Variants in BIRC6 observed in about 807,000 individuals in gnomAD.
BIRC6 encodes dual E2 ubiquitin-conjugating enzyme/E3 ubiquitin-protein ligase BIRC6.
A neutral mutation model predicts 503.3 loss-of-function variants in BIRC6; 98 were observed. The observed-to-expected ratio is 0.19, with a 90% CI of 0.17 to 0.23. The LOEUF is 0.23. BIRC6 is among the 10% of genes least tolerant of loss of function. The probability of loss-of-function intolerance (pLI) is 1.00; values close to 1 mark genes in which losing one functional copy is unlikely to be tolerated. For missense variants in BIRC6, 5,360 were observed against 5,806.0 expected (o/e 0.92, Z 2.50); for synonymous variants, 2,240 against 2,078.7 (o/e 1.08, Z -2.11).
At position 32,357,589 on chromosome 2, in the gene BIRC6, G is replaced by A; in HGVS notation, c.325+103G>A. 1 of 1,478,352 alleles carries A rather than the reference G, an allele frequency of 6.8e-7. No homozygotes were observed. Among genetic ancestry groups the A allele is most frequent in the Non-Finnish European group, 8.9e-7 (1 of 1,121,900 alleles). The allele number at this position is 1,478,352 out of a possible 1,614,324, so 91.6% of individuals were successfully genotyped here. A position where few individuals can be genotyped will look rare whatever the true frequency, so the allele number is the denominator to read the frequency against. ...GGGGAAGCGAGATGGCGAGAGGGCA[G>A]GGCTGGGGGTTCGGGCCCAGCCGTG... On this transcript the variant is annotated intron_variant, in intron 1 of 73. Transcript: ENST00000421745. This position sits in a 1 kb window ranked among gnomAD's most constrained non-coding sequence, Gnocchi z 4.9.
At position 32,415,518 on chromosome 2, in the gene BIRC6, A is replaced by C; in HGVS notation, c.2227A>C (p.Ile743Leu). 6.2e-7 allele frequency: 1 copy of C among 1,614,032 alleles called. No homozygotes were observed. The highest frequency in any genetic ancestry group is 1.3e-5 in the African/African-American group (1 of 75,058). The stretch of plus-strand genomic sequence containing the variant: ...CTCAATAACTCCTTGTGCTGACGGA[A>C]TTCATTTGTTGGTAGGACTGCGGAC... ...IDSITPCADG[I>L]HLLVGLRTCP... The change falls in exon 10 of 74, where the codon ATT becomes CTT. Residue 743 changes from isoleucine (I) to leucine (L), a missense_variant. Ile to Leu is a conservative substitution (Grantham distance 5). Around this residue, in one of 16 missense-constraint regions of BIRC6, gnomAD observed 700 missense variants for 739.3 expected, o/e 0.95. Coordinates refer to ENST00000421745, the MANE Select transcript of BIRC6 (RefSeq NM_016252.4).
chr2:32,501,482 G>A (rs990329322), intron 46 of BIRC6, among the ~76,000 whole-genome samples: 1 of 152,116 alleles, frequency 6.6e-6, no homozygotes, highest in African/African-American at 2.4e-5. Flanking sequence ...TGTGTAGAGG[G>A]TTTAGACAGC....
intron 1 of BIRC6, 46 bp from the exon 2 acceptor site, chr2:32,377,542 C>G: frequency 6.9e-7 from 1 of 1,440,598 alleles, no homozygotes; most frequent in Non-Finnish European, 9.5e-7. Context: ...TTTAATAGAC[C>G]ATTGGCCTGA....
rs10528992 is a variant in BIRC6 at position 32,508,276 on chromosome 2, C to CTTTTTTTTTT, written c.9980+35_9980+44dup. 2.4e-4 allele frequency: 209 copies of CTTTTTTTTTT among 864,754 alleles called. 14 individuals are homozygous for CTTTTTTTTTT. In the African/African-American group the frequency reaches 4.4e-3, roughly 18 times the overall value. 53.6% of individuals were successfully genotyped at this position (864,754 alleles called of 1,614,324 possible). A position where few individuals can be genotyped will look rare whatever the true frequency, so the allele number is the denominator to read the frequency against. On this transcript the variant is annotated intron_variant, in intron 51 of 73. Coordinates refer to ENST00000421745, the MANE Select transcript of BIRC6 (RefSeq NM_016252.4). ...CAAAACAAGGTATGTTTTGTTTGTC[C>CTTTTTTTTTT]TTTTTTTTTTTTTTTTTTTTTTTTT...
In BIRC6 at chr2:32,543,535, G is replaced by A; in HGVS notation, c.12586G>A (p.Glu4196Lys). ...RLVLGVTDDG[E>K]GSHILQSPSA... ...GGTATTGGGAGTGACAGATGATGGA[G>A]AAGGAAGTAAGTGTTTAGTATTAAA... The change falls in exon 62 of 74, where the codon GAA becomes AAA. Residue 4196 changes from glutamate to lysine, a missense_variant. Physicochemically the swap from Glu to Lys is moderately conservative, Grantham distance 56. Transcript: ENST00000421745. 6.2e-7 allele frequency: 1 copy of A among 1,613,002 alleles called. No homozygotes were observed. Among genetic ancestry groups the A allele is most frequent in the Non-Finnish European group, 8.5e-7 (1 of 1,179,716 alleles).
At chr2:32,595,436 G>C (rs1017373152) in intron 68 of BIRC6, among the ~76,000 whole-genome samples, 1 of 152,142 alleles carries the variant, frequency 6.6e-6, no homozygotes, top group Non-Finnish European at 1.5e-5. Context: ...CTTCATTTCT[G>C]TACATCCTGG....
intron 65 of BIRC6, among the ~76,000 whole-genome samples, chr2:32,570,794 C>T (rs1026021937): frequency 6.6e-5 from 10 of 151,868 alleles, no homozygotes; most frequent in African/African-American, 1.9e-4. Flanking sequence ...CCATCACGCT[C>T]GGCCTATTTG....
rs541136373 is a variant in BIRC6, at chr2:32,377,326, TTATTTCTCAGAA to T, written c.326-261_326-250del. On this transcript the variant is annotated intron_variant, in intron 1 of 73. Coordinates refer to ENST00000421745, the MANE Select transcript of BIRC6 (RefSeq NM_016252.4). The stretch of plus-strand genomic sequence containing the variant: ...CATTTTCCCTATACTGTTGCTGTGT[TTATTTCTCAGAA>T]CAATGATGTTCTTTTATAATAGCAA... Among the ~76,000 whole-genome samples the T allele has an allele frequency of 5.1e-4, 77 of 152,136 alleles. No homozygotes were observed. The South Asian group carries it at 0.016, about 31-fold the overall frequency.
intron 66 of BIRC6, among the ~76,000 whole-genome samples, chr2:32,587,776 A>G (rs144442368): frequency 1.3e-5 from 2 of 152,356 alleles, no homozygotes; most frequent in African/African-American, 4.8e-5. Context: ...TAAAAAATAC[A>G]TAGAATAATG....
chr2:32,509,583 C>T, intron 51 of BIRC6, 155 bp from the exon 52 acceptor site: 1 of 818,482 alleles, frequency 1.2e-6, no homozygotes, highest in Non-Finnish European at 1.9e-6. Flanking sequence ...AACTTACTGT[C>T]TGTTTACTTA....
intron 31 of BIRC6, 126 bp downstream of exon 31, chr2:32,470,427 C>A: frequency 1.0e-6 from 1 of 986,656 alleles, no homozygotes; most frequent in Non-Finnish European, 1.4e-6. Context: ...ATGATGTAAG[C>A]TTTTAAGAAT....
chr2:32,397,029 A>G (rs557365873), intron 6 of BIRC6, among the ~76,000 whole-genome samples: 1 of 152,202 alleles, frequency 6.6e-6, no homozygotes, highest in East Asian at 1.9e-4. Context: ...CGCCCGGCCT[A>G]AAATTGAACA....
intron 9 of BIRC6, among the ~76,000 whole-genome samples, chr2:32,410,001 G>T (rs2041677480): frequency 6.6e-6 from 1 of 152,122 alleles, no homozygotes; most frequent in Admixed American, 6.5e-5. Context: ...AATGCCACTT[G>T]TAATATTTTC....
In BIRC6 at chr2:32,357,722, C is replaced by T. The variant is rs1235468375; in HGVS notation, c.325+236C>T. 1.3e-5 allele frequency among the ~76,000 whole-genome samples: 2 copies of T among 151,996 alleles called. No individual in the cohort carries two copies. Among genetic ancestry groups the T allele is most frequent in the African/African-American group, 2.4e-5 (1 of 41,388 alleles). Reference sequence around the variant, plus strand: ...TCAGGGAGTGGTGGGAGGGGAGTTGCCTTTCGGGCCTGGAGCGTCCGGTCT... The same window carrying T: ...TCAGGGAGTGGTGGGAGGGGAGTTGTCTTTCGGGCCTGGAGCGTCCGGTCT... On this transcript the variant is annotated intron_variant, in intron 1 of 73. Coordinates refer to ENST00000421745, the MANE Select transcript of BIRC6 (RefSeq NM_016252.4). The surrounding 1 kb of genome is among the most constrained non-coding windows in gnomAD (Gnocchi z 4.9).
chr2:32,575,046 C>T, intron 65 of BIRC6, 110 bp from the exon 66 acceptor site: 4 of 1,168,464 alleles, frequency 3.4e-6, no homozygotes, highest in Non-Finnish European at 3.8e-6. Context: ...GCGTGCCCAG[C>T]CGGGTCAGCT....
At position 32,499,747 on chromosome 2, in the gene BIRC6, G is replaced by T; in HGVS notation, c.8669G>T (p.Arg2890Leu). The T allele has an allele frequency of 5.6e-6, 9 of 1,613,976 alleles. No individual in the cohort carries two copies. Among genetic ancestry groups the T allele is most frequent in the Non-Finnish European group, 7.6e-6 (9 of 1,179,854 alleles). The change falls in exon 46 of 74, where the codon CGA becomes CTA. Residue 2890 changes from arginine to leucine, a missense_variant. Arg to Leu is a moderately radical substitution (Grantham distance 102). Transcript: ENST00000421745. ...RSGSDSSVGA[R>L]ACFGGLFANL... ...GGATCAGATAGCTCCGTGGGTGCTC[G>T]AGCATGCTTTGGGGGACTCTTTGCC...
rs2063373445 is a variant in BIRC6 at position 32,618,544 on chromosome 2, A to G, written c.*640A>G. ...CAACATATTTAATTTTATGCCTTCTAATTCTAAGATGCAGAAAAAAATAAA... is the reference window on the plus strand; with the variant it reads ...CAACATATTTAATTTTATGCCTTCTGATTCTAAGATGCAGAAAAAAATAAA... On this transcript the variant is annotated 3_prime_UTR_variant, in exon 74 of 74. Coordinates refer to ENST00000421745, the MANE Select transcript of BIRC6 (RefSeq NM_016252.4). 6.6e-6 allele frequency: 1 copy of G among 152,656 alleles called. No individual in the cohort carries two copies. The highest frequency in any genetic ancestry group is 2.4e-5 in the African/African-American group (1 of 41,466). 9.5% of individuals were successfully genotyped at this position (152,656 alleles called of 1,614,324 possible). A position where few individuals can be genotyped will look rare whatever the true frequency, so the allele number is the denominator to read the frequency against.
intron 57 of BIRC6, chr2:32,522,619 A>C (rs1046074594): frequency 6.6e-6 from 1 of 152,182 alleles, no homozygotes; most frequent in Non-Finnish European, 1.5e-5. Context: ...ACCAGGTTTG[A>C]AAATGCAGTT....
intron 8 of BIRC6, among the ~76,000 whole-genome samples, chr2:32,404,990 A>T (rs1009754268): frequency 1.3e-5 from 2 of 152,136 alleles, no homozygotes; most frequent in African/African-American, 4.8e-5. Flanking sequence ...AACTTTCAGA[A>T]TAAAACATTC....
Sources: gnomAD v4.1 joint callset for allele counts (sites outside exome capture counted in the v4.1 genomes callset) on GRCh38, gnomAD v4.1.1 for gene constraint, gnomAD v4.1.1 regional missense constraint, Gnocchi (gnomAD v3.1) non-coding constraint, MANE v1.5 for transcripts, NCBI Gene and HGNC (gene_info 2026-07-23, HGNC 2026-07-21) for gene names.